ACOXL: variants seen among roughly 807,000 people sequenced by gnomAD.
ACOXL encodes acyl-CoA oxidase like.
In ACOXL, 70 loss-of-function variants were observed where a neutral mutation model predicts 71.9. The ratio of observed to expected loss-of-function variants is 0.97; its 90% CI spans 0.80 to 1.19. The LOEUF (loss-of-function observed/expected upper bound fraction) is 1.19. Ranked by LOEUF, ACOXL falls within the 50% of genes most tolerant of loss-of-function variation. The probability of loss-of-function intolerance (pLI) is 0.00; values close to 1 mark genes in which losing one functional copy is unlikely to be tolerated. For missense variants in ACOXL, 703 were observed against 736.3 expected (o/e 0.95, Z 0.52); for synonymous variants, 253 against 281.6 (o/e 0.90, Z 1.02).
intron 1 of ACOXL, among the ~76,000 whole-genome samples, chr2:110,743,478 T>C (rs182842461): frequency 6.6e-6 from 1 of 152,270 alleles, no homozygotes; most frequent in Non-Finnish European, 1.5e-5. Flanking sequence ...TTCCAAAAAT[T>C]TACTAATTTT....
intron 10 of ACOXL, among the ~76,000 whole-genome samples, chr2:110,875,931 C>G (rs898352172): frequency 6.6e-6 from 1 of 152,018 alleles, no homozygotes; most frequent in Non-Finnish European, 1.5e-5. Context: ...ACAGTAGAAC[C>G]ACTTCTGGGG....
At chr2:110,911,315 G>A (rs1219477762) in intron 11 of ACOXL, among the ~76,000 whole-genome samples, 1 of 151,992 alleles carries the variant, frequency 6.6e-6, no homozygotes, top group Non-Finnish European at 1.5e-5. Context: ...ATTAATATCA[G>A]TCCTCCACAA....
intron 14 of ACOXL, among the ~76,000 whole-genome samples, chr2:111,019,559 A>G (rs2064642978): frequency 6.6e-6 from 1 of 152,252 alleles, no homozygotes; most frequent in Admixed American, 6.5e-5. Context: ...TGACAGTTTC[A>G]GTTAAGCCTC....
chr2:110,871,246 AG>A (rs757408726), intron 10 of ACOXL, among the ~76,000 whole-genome samples: 13 of 152,090 alleles, frequency 8.5e-5, no homozygotes, highest in Non-Finnish European at 1.9e-4. Flanking sequence ...GGCTTTGTTT[AG>A]TAGTCTGGGG....
intron 14 of ACOXL, among the ~76,000 whole-genome samples, chr2:111,002,485 A>T (rs2063681023): frequency 6.6e-6 from 1 of 152,312 alleles, no homozygotes; most frequent in South Asian, 2.1e-4. Flanking sequence ...ACATGATTGC[A>T]TGAGGTTCTG....
chr2:110,831,423 A>C (rs1689809643), intron 9 of ACOXL, among the ~76,000 whole-genome samples: 1 of 152,204 alleles, frequency 6.6e-6, no homozygotes, highest in Non-Finnish European at 1.5e-5. Flanking sequence ...TGCATGCTGA[A>C]AATTATATGA....
At chr2:110,811,952 T>A (rs1687388435) in intron 9 of ACOXL, among the ~76,000 whole-genome samples, 1 of 152,320 alleles carries the variant, frequency 6.6e-6, no homozygotes, top group Non-Finnish European at 1.5e-5. Context: ...ATACCAATAA[T>A]GACTTGCAGG....
At chr2:110,862,251 G>A (rs1694039899) in intron 10 of ACOXL, among the ~76,000 whole-genome samples, 1 of 152,134 alleles carries the variant, frequency 6.6e-6, no homozygotes, top group African/African-American at 2.4e-5. Flanking sequence ...TTGGCACCCT[G>A]GAACACTAGA....
chr2:110,915,493 G>A (rs1196642565), intron 11 of ACOXL, among the ~76,000 whole-genome samples: 27 of 145,416 alleles, frequency 1.9e-4, no homozygotes, highest in South Asian at 8.7e-4. Flanking sequence ...GCACAATCTC[G>A]GCTCACTGCA....
intron 13 of ACOXL, among the ~76,000 whole-genome samples, chr2:110,993,315 C>T (rs1467181553): frequency 6.6e-6 from 1 of 152,334 alleles, no homozygotes; most frequent in East Asian, 1.9e-4. Flanking sequence ...TACGCAGATA[C>T]AGCCACTCTT....
At chr2:110,873,493 G>A (rs1217524143) in intron 10 of ACOXL, among the ~76,000 whole-genome samples, 1 of 152,202 alleles carries the variant, frequency 6.6e-6, no homozygotes, top group Admixed American at 6.5e-5. Flanking sequence ...ATTATCTTAT[G>A]TATGCCTCTC....
intron 1 of ACOXL, among the ~76,000 whole-genome samples, chr2:110,767,637 G>A (rs564592876): frequency 6.6e-6 from 1 of 152,126 alleles, no homozygotes; most frequent in Non-Finnish European, 1.5e-5. Flanking sequence ...AGGTAATCTC[G>A]AAGGCAACCC....
chr2:111,004,392 A>G (rs2063778035), intron 14 of ACOXL, among the ~76,000 whole-genome samples: 1 of 152,214 alleles, frequency 6.6e-6, no homozygotes, highest in South Asian at 2.1e-4. Flanking sequence ...ATCCAAGGTC[A>G]AAGTTGGAGA....
At chr2:110,989,071 G>T (rs2063064257) in intron 13 of ACOXL, among the ~76,000 whole-genome samples, 1 of 151,846 alleles carries the variant, frequency 6.6e-6, no homozygotes, top group South Asian at 2.1e-4. Context: ...CACTTTTTCT[G>T]CATCATCTAT....
intron 10 of ACOXL, among the ~76,000 whole-genome samples, chr2:110,867,644 C>CTTCTTTTGAATTCTTTTG (rs1694769627): frequency 1.3e-5 from 2 of 152,048 alleles, no homozygotes; most frequent in Non-Finnish European, 2.9e-5. Context: ...ACTGGAGGGC[C>CTTCTTTTGAATTCTTTTG]AATAAGGACT....
At chr2:110,888,475 T>C (rs2149131834) in intron 10 of ACOXL, among the ~76,000 whole-genome samples, 1 of 152,254 alleles carries the variant, frequency 6.6e-6, no homozygotes, top group South Asian at 2.1e-4. Flanking sequence ...TTATCTCAGG[T>C]ACACTTAAAC....
intron 16 of ACOXL, among the ~76,000 whole-genome samples, chr2:111,054,952 G>A (rs1403187577): frequency 6.6e-6 from 1 of 152,126 alleles, no homozygotes; most frequent in Non-Finnish European, 1.5e-5. Flanking sequence ...TTTTCCACAT[G>A]ACTGCTCCAC....
intron 11 of ACOXL, among the ~76,000 whole-genome samples, chr2:110,929,124 T>A (rs1042347704): frequency 6.6e-6 from 1 of 152,056 alleles, no homozygotes; most frequent in Non-Finnish European, 1.5e-5. Flanking sequence ...GTTGGAACAG[T>A]TTGGAGGGCT....
chr2:110,883,962 A>G (rs1357630432), intron 10 of ACOXL, among the ~76,000 whole-genome samples: 1 of 152,198 alleles, frequency 6.6e-6, no homozygotes, highest in Non-Finnish European at 1.5e-5. Flanking sequence ...AATTCATGTG[A>G]TGGAGTACAA....
Sources: allele counts gnomAD v4.1 joint callset (sites outside exome capture counted in the v4.1 genomes callset), GRCh38; gene constraint gnomAD v4.1.1; transcripts MANE v1.5; gene names NCBI Gene and HGNC (gene_info 2026-07-23, HGNC 2026-07-21).